EYS: variants seen among roughly 807,000 people sequenced by gnomAD.
EYS encodes protein eyes shut homolog.
EYS carries 250 observed loss-of-function variants against 282.1 expected under a neutral mutation model. That is an observed-to-expected ratio of 0.89 (90% CI 0.80 to 0.98). The LOEUF (loss-of-function observed/expected upper bound fraction) is 0.98, where lower values mean the gene tolerates loss of function less well. EYS is among the 50% of genes least tolerant of loss of function. EYS has a pLI of 0.00. For synonymous variants in EYS, 1,355 were observed against 1,282.9 expected, an observed-to-expected ratio of 1.06 and a Z score of -1.20; for missense variants, 4,016 against 3,709.0, an observed-to-expected ratio of 1.08 and a Z score of -2.15.
chr6:65,382,240 T>C (rs1765641479), intron 8 of EYS, among the ~76,000 whole-genome samples: 1 of 149,656 alleles, frequency 6.7e-6, no homozygotes, highest in South Asian at 2.1e-4. Flanking sequence ...TTTGCTCCAT[T>C]TTATTCTCAA....
intron 26 of EYS, among the ~76,000 whole-genome samples, chr6:64,503,347 C>T (rs1240358905): frequency 6.6e-6 from 1 of 152,110 alleles, no homozygotes; most frequent in Non-Finnish European, 1.5e-5. Flanking sequence ...TCAAATCATC[C>T]TTTCAGAGTT....
At chr6:64,277,238 C>T (rs1489907653) in intron 30 of EYS, among the ~76,000 whole-genome samples, 1 of 152,098 alleles carries the variant, frequency 6.6e-6, no homozygotes, top group Admixed American at 6.5e-5. Flanking sequence ...CTTTGTGAAA[C>T]ACAGTTGCAA....
At chr6:63,817,975 C>T (rs957331905) in intron 36 of EYS, among the ~76,000 whole-genome samples, 1 of 152,112 alleles carries the variant, frequency 6.6e-6, no homozygotes, top group Non-Finnish European at 1.5e-5. Context: ...GCATGTGTGC[C>T]TGTTAATGTA....
intron 28 of EYS, among the ~76,000 whole-genome samples, chr6:64,393,050 C>G (rs553458112): frequency 7.2e-5 from 11 of 152,114 alleles, no homozygotes; most frequent in East Asian, 3.9e-4. Context: ...ATAAATTCCT[C>G]GACACATACA....
At chr6:65,289,042 A>G (rs1291857658) in intron 12 of EYS, among the ~76,000 whole-genome samples, 1 of 151,078 alleles carries the variant, frequency 6.6e-6, no homozygotes, top group Non-Finnish European at 1.5e-5. Flanking sequence ...AATAAAAAAC[A>G]AATAGTGTTG....
intron 12 of EYS, among the ~76,000 whole-genome samples, chr6:65,271,817 C>G (rs953176399): frequency 6.6e-6 from 1 of 152,090 alleles, no homozygotes; most frequent in Non-Finnish European, 1.5e-5. Context: ...CTCCTGACGT[C>G]AAGCGATCCA....
At chr6:65,214,036 G>T (rs992236371) in intron 12 of EYS, among the ~76,000 whole-genome samples, 1 of 151,764 alleles carries the variant, frequency 6.6e-6, no homozygotes, top group Non-Finnish European at 1.5e-5. Flanking sequence ...GCGGGTGCCT[G>T]TAGTCCCAGC....
At chr6:65,371,268 T>C (rs9363353) in intron 8 of EYS, among the ~76,000 whole-genome samples, 77,493 of 151,372 alleles carry the variant, frequency 0.51, 20,038 homozygotes, top group South Asian at 0.54. Flanking sequence ...GTAAAGTATA[T>C]GGGAGGATGT....
At chr6:65,440,808 A>C (rs1768285285) in intron 5 of EYS, among the ~76,000 whole-genome samples, 1 of 148,670 alleles carries the variant, frequency 6.7e-6, no homozygotes, top group Non-Finnish European at 1.5e-5. Flanking sequence ...AGTTTTAGTA[A>C]CCTGACTTAA....
chr6:64,880,686 A>T (rs1234477053), intron 19 of EYS, among the ~76,000 whole-genome samples: 1 of 150,504 alleles, frequency 6.6e-6, no homozygotes, highest in African/African-American at 2.4e-5. Flanking sequence ...TCTTTTTAGA[A>T]TTTTTCCTGT....
chr6:65,297,811 A>C (rs906189902), intron 11 of EYS, among the ~76,000 whole-genome samples: 11 of 152,078 alleles, frequency 7.2e-5, no homozygotes, highest in African/African-American at 2.7e-4. Flanking sequence ...AAAGAAAAAA[A>C]AACCTAGGTA....
At chr6:64,997,791 T>C (rs1771320826) in intron 13 of EYS, 88 bp from the exon 14 acceptor site, 4 of 1,212,902 alleles carry the variant, frequency 3.3e-6, no homozygotes, top group Non-Finnish European at 4.5e-6. Context: ...TATAATCATT[T>C]ATGTAGTTCA....
chr6:64,748,961 C>A lies in EYS; in HGVS notation c.3443+64417G>T, dbSNP rs555074478. Among the ~76,000 whole-genome samples, 9 of 152,100 alleles carry A rather than the reference C, an allele frequency of 5.9e-5. No individual in the cohort carries two copies. In the South Asian group the frequency reaches 1.9e-3, roughly 32 times the overall value. On this transcript the variant is annotated intron_variant, in intron 22 of 42. Coordinates refer to ENST00000503581, the MANE Select transcript of EYS (RefSeq NM_001142800.2). ...CTAATTTTTGTATTTTTAGTAGAAA[C>A]GGGGTTTCACCATGTTGGCCAGGCT...
chr6:64,233,998 G>T (rs12175973), intron 30 of EYS, among the ~76,000 whole-genome samples: 47,270 of 152,084 alleles, frequency 0.31, 7,379 homozygotes, highest in East Asian at 0.5. Context: ...TGGCACAAAT[G>T]TTTAGAAGGA....
chr6:64,023,599 G>A (rs1340790972), intron 33 of EYS, among the ~76,000 whole-genome samples: 1 of 152,218 alleles, frequency 6.6e-6, no homozygotes, highest in Non-Finnish European at 1.5e-5. Flanking sequence ...TAGTAGATGT[G>A]AAGTGGTATT....
chr6:64,404,928 G>A (rs537628637), intron 28 of EYS, among the ~76,000 whole-genome samples: 46 of 152,198 alleles, frequency 3.0e-4, no homozygotes, highest in African/African-American at 1.1e-3. Context: ...TGGGGAAAAT[G>A]GGATTAGAGA....
At chr6:65,513,405 A>T (rs935751085) in intron 2 of EYS, among the ~76,000 whole-genome samples, 127 of 152,244 alleles carry the variant, frequency 8.3e-4, no homozygotes, top group South Asian at 1.7e-3. Context: ...ATTCCAATCA[A>T]TAGAAAAAGA....
chr6:64,230,488 TTG>T, intron 31 of EYS, 102 bp downstream of exon 31: 1 of 603,906 alleles, frequency 1.7e-6, no homozygotes, highest in Non-Finnish European at 2.7e-6. Context: ...TGTTTCTTGT[TTG>T]TGCTAGTACC....
At chr6:64,937,152 A>C (rs2150090637) in intron 15 of EYS, among the ~76,000 whole-genome samples, 1 of 151,644 alleles carries the variant, frequency 6.6e-6, no homozygotes, top group South Asian at 2.1e-4. Context: ...TAACTAACTC[A>C]AAATGGATTA....
Sources: allele counts gnomAD v4.1 joint callset (sites outside exome capture counted in the v4.1 genomes callset), GRCh38; gene constraint gnomAD v4.1.1; transcripts MANE v1.5; gene names NCBI Gene and HGNC (gene_info 2026-07-23, HGNC 2026-07-21).